The following DAB1 variants were observed in gnomAD, a reference collection of about 807,000 sequenced individuals.
The protein encoded by DAB1 is DAB adaptor protein 1.
DAB1 carries 15 observed loss-of-function variants against 64.6 expected under a neutral mutation model. That is an observed-to-expected ratio of 0.23 (90% CI 0.16 to 0.36). The LOEUF (loss-of-function observed/expected upper bound fraction) is 0.36. Among genes scored for constraint, DAB1 ranks in the 10% least tolerant of loss-of-function variants. The probability of loss-of-function intolerance (pLI) is 1.00; values close to 1 mark genes in which losing one functional copy is unlikely to be tolerated. For missense variants in DAB1, 596 were observed against 706.7 expected (o/e 0.84, Z 1.78); for synonymous variants, 235 against 251.9 (o/e 0.93, Z 0.64).
intron 6 of DAB1, among the ~76,000 whole-genome samples, chr1:57,815,513 G>A (rs1275629537): frequency 1.3e-5 from 2 of 152,094 alleles, no homozygotes; most frequent in Non-Finnish European, 2.9e-5. Flanking sequence ...CTGTATGTAG[G>A]TATTAAATTG....
intron 2 of DAB1, among the ~76,000 whole-genome samples, chr1:57,261,473 C>T (rs1012247387): frequency 1.3e-5 from 2 of 152,160 alleles, no homozygotes; most frequent in Admixed American, 6.5e-5. Flanking sequence ...TTACTCTGCT[C>T]TCTGCTCCCA....
intron 4 of DAB1, among the ~76,000 whole-genome samples, chr1:57,106,699 A>G (rs1655191625): frequency 6.6e-6 from 1 of 152,214 alleles, no homozygotes; most frequent in Admixed American, 6.5e-5. Context: ...ACAGCTATTT[A>G]AAGACACAAC....
chr1:58,529,343 A>T (rs1344385521), intron 1 of DAB1, among the ~76,000 whole-genome samples: 2 of 152,212 alleles, frequency 1.3e-5, no homozygotes, highest in Non-Finnish European at 2.9e-5. Flanking sequence ...CTCCTGGGAC[A>T]AGAGGAAATA....
At chr1:58,212,281 T>C (rs1024719531) in intron 4 of DAB1, among the ~76,000 whole-genome samples, 4 of 152,326 alleles carry the variant, frequency 2.6e-5, no homozygotes, top group Admixed American at 6.5e-5. Context: ...GATTGCCTTG[T>C]TTATTGCTCA....
intron 2 of DAB1, among the ~76,000 whole-genome samples, chr1:57,146,379 C>T (rs548718932): frequency 6.6e-6 from 1 of 152,188 alleles, no homozygotes; most frequent in Non-Finnish European, 1.5e-5. Context: ...TTCTTAAAAC[C>T]TGGAGTGTCC....
chr1:57,735,396 A>G (rs1647636686), intron 6 of DAB1, among the ~76,000 whole-genome samples: 1 of 152,140 alleles, frequency 6.6e-6, no homozygotes, highest in Admixed American at 6.6e-5. Flanking sequence ...AATGAGAAAT[A>G]ATTGTATACA....
chr1:58,328,996 G>C (rs1416190130), intron 4 of DAB1, among the ~76,000 whole-genome samples: 3 of 152,180 alleles, frequency 2.0e-5, no homozygotes, highest in Non-Finnish European at 2.9e-5. Context: ...TCTTGTCATT[G>C]AATTTAATAA....
intron 2 of DAB1, among the ~76,000 whole-genome samples, chr1:58,512,110 A>C (rs1027512746): frequency 1.3e-5 from 2 of 152,204 alleles, no homozygotes; most frequent in Non-Finnish European, 1.5e-5. Flanking sequence ...ACATTTCTTC[A>C]AAAAAGACAT....
At chr1:57,091,288 G>T (rs1036565382) in intron 4 of DAB1, among the ~76,000 whole-genome samples, 1 of 151,752 alleles carries the variant, frequency 6.6e-6, no homozygotes, top group Non-Finnish European at 1.5e-5. Flanking sequence ...TTCCTGTTTT[G>T]ATTTAAAAAA....
At position 57,907,922 on chromosome 1, in the gene DAB1, TACACACAC is replaced by T. The variant is rs372543898; in HGVS notation, n.388-23768_388-23761del. Among the ~76,000 whole-genome samples the T allele has an allele frequency of 4.1e-5, 6 of 145,494 alleles. No homozygotes were observed. In the East Asian group the frequency reaches 8.0e-4, roughly 19 times the overall value. On this transcript the variant is annotated intron_variant and non_coding_transcript_variant, in intron 5 of 20. Transcript: ENST00000485760. ...TTGTTATATATATATAATATATATA[TACACACAC>T]ACACACACACACACATATATATTTC...
At chr1:57,238,069 C>T (rs1668223727) in intron 2 of DAB1, among the ~76,000 whole-genome samples, 1 of 152,106 alleles carries the variant, frequency 6.6e-6, no homozygotes, top group South Asian at 2.1e-4. Context: ...GCTCTGTGGT[C>T]TTTAGGAACC....
intron 1 of DAB1, among the ~76,000 whole-genome samples, chr1:57,831,436 C>T (rs1376981125): frequency 3.3e-5 from 5 of 151,926 alleles, no homozygotes; most frequent in Non-Finnish European, 7.4e-5. Context: ...AAGTGAATTA[C>T]TGAAAGCATG....
At chr1:57,937,452 T>C (rs1433290969) in intron 5 of DAB1, among the ~76,000 whole-genome samples, 1 of 151,956 alleles carries the variant, frequency 6.6e-6, no homozygotes, top group Non-Finnish European at 1.5e-5. Flanking sequence ...TAATAGGCCA[T>C]GGGAATCTAG....
At chr1:58,161,028 A>G (rs536002964) in intron 4 of DAB1, among the ~76,000 whole-genome samples, 66 of 152,310 alleles carry the variant, frequency 4.3e-4, no homozygotes, top group African/African-American at 1.5e-3. Context: ...CGTAAGGAAT[A>G]CATAAGGGTC....
chr1:58,120,319 C>A lies in DAB1; in HGVS notation n.387+30192G>T, dbSNP rs891565422. 3.3e-5 allele frequency among the ~76,000 whole-genome samples: 5 copies of A among 152,284 alleles called. No individual in the cohort carries two copies. The South Asian group carries it at 1.0e-3, about 32-fold the overall frequency. On this transcript the variant is annotated intron_variant and non_coding_transcript_variant, in intron 5 of 20. Transcript: ENST00000485760. The stretch of plus-strand genomic sequence containing the variant: ...ACCCATTGAGGAGTAGTTGACAGAT[C>A]TAAGCCCCCTCTCAGTGCTCCCTGT...
At chr1:57,641,366 CT>C (rs1327939060) in intron 7 of DAB1, among the ~76,000 whole-genome samples, 2 of 115,404 alleles carry the variant, frequency 1.7e-5, no homozygotes, top group African/African-American at 3.3e-5. Flanking sequence ...CCAGTTCCCT[CT>C]TTTTTTTGTT....
intron 3 of DAB1, among the ~76,000 whole-genome samples, chr1:57,141,487 A>G (rs188570882): frequency 6.2e-4 from 94 of 152,228 alleles, no homozygotes; most frequent in African/African-American, 2.1e-3. Flanking sequence ...GTAAATATAT[A>G]TCTTCCTAGG....
chr1:58,274,455 TTTTG>T (rs1274115961), intron 4 of DAB1, among the ~76,000 whole-genome samples: 2 of 138,970 alleles, frequency 1.4e-5, no homozygotes, highest in Non-Finnish European at 3.1e-5. Context: ...ACTGCTGTCT[TTTTG>T]TTTGTCTGTG....
At chr1:58,451,817 A>G (rs533461968) in intron 3 of DAB1, among the ~76,000 whole-genome samples, 5 of 152,324 alleles carry the variant, frequency 3.3e-5, no homozygotes, top group Admixed American at 1.3e-4. Context: ...CTGGAAGAAA[A>G]TATTTGCAGC....
Sources: gnomAD v4.1 joint callset for allele counts (sites outside exome capture counted in the v4.1 genomes callset) on GRCh38, gnomAD v4.1.1 for gene constraint, MANE v1.5 for transcripts, NCBI Gene and HGNC (gene_info 2026-07-23, HGNC 2026-07-21) for gene names.